LOXL2: variants seen among roughly 807,000 people sequenced by gnomAD.
LOXL2 encodes lysyl oxidase like 2.
A neutral mutation model predicts 93.0 loss-of-function variants in LOXL2; 70 were observed. The ratio of observed to expected loss-of-function variants is 0.75; its 90% confidence interval spans 0.62 to 0.92. The LOEUF (loss-of-function observed/expected upper bound fraction) is 0.92, where lower values mean the gene tolerates loss of function less well. Among genes scored for constraint, LOXL2 ranks in the 40% least tolerant of loss-of-function variants. The pLI, the probability that LOXL2 is intolerant of heterozygous loss-of-function variation, is 0.00. For missense variants in LOXL2, 973 were observed against 1,054.9 expected, an observed-to-expected ratio of 0.92 and a Z score of 1.08; for synonymous variants, 438 against 413.2, an observed-to-expected ratio of 1.06 and a Z score of -0.73.
chr8:23,398,831 A>G (rs921656984), intron 1 of LOXL2, among the ~76,000 whole-genome samples: 1 of 151,300 alleles, frequency 6.6e-6, no homozygotes, highest in African/African-American at 2.4e-5. Flanking sequence ...TTTTTTTGGT[A>G]GAGACTGGGT....
At chr8:23,310,559 C>G (rs911401825) in intron 9 of LOXL2, among the ~76,000 whole-genome samples, 20 of 152,154 alleles carry the variant, frequency 1.3e-4, no homozygotes, top group African/African-American at 4.1e-4. Context: ...GATATATTGG[C>G]TGTTTGGAAT....
intron 4 of LOXL2, among the ~76,000 whole-genome samples, chr8:23,338,311 GC>G (rs58373018): frequency 0.36 from 54,965 of 151,898 alleles, 10,963 homozygotes; most frequent in African/African-American, 0.54. Context: ...AAGCAGAGGT[GC>G]TGAGGAAGAG....
chr8:23,356,165 T>C (rs1804193528), intron 3 of LOXL2, among the ~76,000 whole-genome samples: 1 of 152,160 alleles, frequency 6.6e-6, no homozygotes, highest in Non-Finnish European at 1.5e-5. Context: ...ACATTCCTGA[T>C]ACATGATGGG....
chr8:23,316,948 C>A lies in LOXL2; in HGVS notation c.1636+1G>T. On this transcript the variant is annotated splice_donor_variant, in intron 9 of 13. Coordinates refer to ENST00000389131, the MANE Select transcript of LOXL2 (RefSeq NM_002318.3). LOFTEE classifies it high-confidence loss of function. ...TGGGGAGGGAGGGGAGGAGCTCTCA[C>A]TTTCTGAGCAGGCAACTCCGGCCCC... 1 of 1,586,026 alleles carries A rather than the reference C, an allele frequency of 6.3e-7. No homozygotes were observed. Among genetic ancestry groups the A allele is most frequent in the South Asian group, 1.1e-5 (1 of 88,786 alleles).
intron 9 of LOXL2, 130 bp from the exon 10 acceptor site, chr8:23,310,041 C>G: frequency 1.0e-6 from 1 of 988,430 alleles, no homozygotes; most frequent in Non-Finnish European, 1.4e-6. Flanking sequence ...AAGGGCTCCT[C>G]AAGGTTACCT....
chr8:23,361,833 C>T (rs1439167533), intron 2 of LOXL2, among the ~76,000 whole-genome samples: 5 of 149,250 alleles, frequency 3.4e-5, no homozygotes, highest in African/African-American at 9.9e-5. Context: ...AGCAAGACTC[C>T]GTCTCAAAAA....
Position 23,322,254 on chromosome 8 carries a change from A to T in LOXL2, c.1178T>A (p.Ile393Asn). ...QGIGPIHLNE[I>N]QCTGNEKSII... ...GGACTTCTCATTGCCTGTGCACTGGATCTCGTTGAGGTGGATGGGTCCGAT... is the reference window on the plus strand; with the variant it reads ...GGACTTCTCATTGCCTGTGCACTGGTTCTCGTTGAGGTGGATGGGTCCGAT... Residue 393 changes from isoleucine (I) to asparagine (N), a missense_variant, in exon 7 of 14, where the codon ATC becomes AAC. Physicochemically the swap from Ile to Asn is moderately radical, Grantham distance 149. Transcript: ENST00000389131. The T allele has an allele frequency of 6.2e-7, 1 of 1,614,154 alleles. No individual in the cohort carries two copies. The highest frequency in any genetic ancestry group is 8.5e-7 in the Non-Finnish European group (1 of 1,180,004).
chr8:23,340,158 C>T (rs1026942630), intron 4 of LOXL2, among the ~76,000 whole-genome samples: 2 of 152,190 alleles, frequency 1.3e-5, no homozygotes, highest in Non-Finnish European at 2.9e-5. Flanking sequence ...CTTCCTGGTT[C>T]TATCACCTTT....
At chr8:23,334,578 C>T (rs952839212) in intron 4 of LOXL2, among the ~76,000 whole-genome samples, 1 of 152,132 alleles carries the variant, frequency 6.6e-6, no homozygotes, top group Admixed American at 6.5e-5. Flanking sequence ...TGTCTCTGTA[C>T]CATATCCTAA....
chr8:23,358,785 C>T (rs1804239532), intron 3 of LOXL2, among the ~76,000 whole-genome samples: 1 of 152,046 alleles, frequency 6.6e-6, no homozygotes, highest in African/African-American at 2.4e-5. Flanking sequence ...AGAAAAATAA[C>T]CTAGTCCCAT....
intron 6 of LOXL2, among the ~76,000 whole-genome samples, chr8:23,322,821 C>A (rs1803516889): frequency 6.6e-6 from 1 of 152,228 alleles, no homozygotes; most frequent in African/African-American, 2.4e-5. Context: ...AGATACCACG[C>A]CCGTTACCCT....
intron 9 of LOXL2, among the ~76,000 whole-genome samples, chr8:23,310,706 C>T (rs1462022821): frequency 6.6e-6 from 1 of 152,196 alleles, no homozygotes; most frequent in African/African-American, 2.4e-5. Flanking sequence ...ATTCCTACTG[C>T]CAAATTGCCT....
chr8:23,359,877 A>G (rs990979042), intron 3 of LOXL2, among the ~76,000 whole-genome samples: 1 of 152,090 alleles, frequency 6.6e-6, no homozygotes, highest in South Asian at 2.1e-4. Flanking sequence ...GCCTCTGCCC[A>G]TGCTGTTCCT....
intron 1 of LOXL2, among the ~76,000 whole-genome samples, chr8:23,380,435 A>G (rs1273385412): frequency 4.0e-5 from 6 of 148,206 alleles, no homozygotes; most frequent in East Asian, 4.0e-4. Flanking sequence ...GTGGATTTGT[A>G]TATCTGTAAA....
chr8:23,323,200 G>A (rs906232415), intron 6 of LOXL2, among the ~76,000 whole-genome samples: 2 of 152,198 alleles, frequency 1.3e-5, no homozygotes, highest in Admixed American at 6.5e-5. Context: ...TGGAAGCATC[G>A]AAGGACTAGC....
Position 23,322,310 on chromosome 8 carries a change from G to T in LOXL2, c.1151-29C>A, listed in dbSNP as rs559347716. On this transcript the variant is annotated intron_variant, in intron 6 of 13. Coordinates refer to ENST00000389131, the MANE Select transcript of LOXL2 (RefSeq NM_002318.3). The stretch of plus-strand genomic sequence containing the variant: ...CAAGGGGAGAATAAACATGCTCTAT[G>T]AAAGCTTTGGAAGGAAACTTTCTGG... 2.8e-5 allele frequency: 44 copies of T among 1,599,168 alleles called. No homozygotes were observed. In the South Asian group the frequency reaches 4.7e-4, roughly 17 times the overall value.
At position 23,309,652 on chromosome 8, in the gene LOXL2, G is replaced by A. The variant is rs753561217; in HGVS notation, c.1880+16C>T. 74 of 1,419,666 alleles carry A rather than the reference G, an allele frequency of 5.2e-5. No individual in the cohort carries two copies. Among genetic ancestry groups the A allele is most frequent in the Non-Finnish European group, 6.7e-5 (72 of 1,077,652 alleles). 87.9% of individuals were successfully genotyped at this position (1,419,666 alleles called of 1,614,324 possible). On this transcript the variant is annotated intron_variant, in intron 10 of 13. Transcript: ENST00000389131. ...CGCCGGGCAGCTTAGTGGGGAGGGT[G>A]GCCAGCCAGGCCTACCTGTGACAGT...
intron 5 of LOXL2, among the ~76,000 whole-genome samples, chr8:23,330,508 G>T (rs891733844): frequency 8.5e-5 from 13 of 152,126 alleles, no homozygotes; most frequent in Admixed American, 4.6e-4. Flanking sequence ...CATGACCTAA[G>T]CTTAATGGAG....
chr8:23,318,896 G>A (rs751082961), intron 8 of LOXL2, among the ~76,000 whole-genome samples: 11 of 152,330 alleles, frequency 7.2e-5, no homozygotes, highest in Non-Finnish European at 1.0e-4. Context: ...TCTGCTCAGG[G>A]CTCAGGACCT....
Sources: gnomAD v4.1 joint callset for allele counts (sites outside exome capture counted in the v4.1 genomes callset) on GRCh38, gnomAD v4.1.1 for gene constraint, MANE v1.5 for transcripts, NCBI Gene and HGNC (gene_info 2026-07-23, HGNC 2026-07-21) for gene names.